The following ABCA13 variants were observed in gnomAD, a reference collection of about 807,000 sequenced individuals.
ABCA13 encodes the protein ATP binding cassette subfamily A member 13.
A neutral mutation model predicts 478.7 loss-of-function variants in ABCA13; 476 were observed. The observed-to-expected ratio is 0.99, with a 90% CI of 0.92 to 1.07. The LOEUF is 1.07. ABCA13 is among the 50% of genes least tolerant of loss of function. The pLI is 0.00. For synonymous variants in ABCA13, 2,252 were observed against 2,158.9 expected, an observed-to-expected ratio of 1.04 and a Z score of -1.20; for missense variants, 6,060 against 5,910.6, an observed-to-expected ratio of 1.03 and a Z score of -0.83.
At chr7:48,625,372 A>G (rs752858805) in intron 59 of ABCA13, among the ~76,000 whole-genome samples, 5 of 152,250 alleles carry the variant, frequency 3.3e-5, no homozygotes, top group Non-Finnish European at 7.3e-5. Context: ...GCACATGAGC[A>G]CAAAAATAAT....
chr7:48,285,466 G>A (rs913473103), intron 19 of ABCA13, among the ~76,000 whole-genome samples: 5 of 152,196 alleles, frequency 3.3e-5, no homozygotes, highest in Admixed American at 3.3e-4. Flanking sequence ...CCTTGAGGGT[G>A]GTGCCTTTGA....
At position 48,245,935 on chromosome 7, in the gene ABCA13, T is replaced by G; in HGVS notation, c.1564T>G (p.Ser522Ala). 1 of 1,613,774 alleles carries G rather than the reference T, an allele frequency of 6.2e-7. No homozygotes were observed. Among genetic ancestry groups the G allele is most frequent in the Middle Eastern group, 1.6e-4 (1 of 6,062 alleles). The change falls in exon 13 of 62, where the codon TCC becomes GCC. Residue 522 changes from serine (S) to alanine (A), a missense_variant. Coordinates refer to ENST00000435803, the MANE Select transcript of ABCA13 (RefSeq NM_152701.5). ...GGAGGTCTTTTTGCCGCCTGGAAAC[T>G]CCAGCATATGGGGTGGTCTCCAGGG... Reference protein sequence around the residue: ...EKEVFLPPGNSSIWGGLQGLL... With the variant: ...EKEVFLPPGNASIWGGLQGLL...
rs574503374 is a variant in ABCA13 at position 48,555,852 on chromosome 7, G to A, written c.14355-24372G>A. On this transcript the variant is annotated intron_variant, in intron 55 of 61. Transcript: ENST00000435803. The stretch of plus-strand genomic sequence containing the variant: ...TCTTTATTTATTTTTTACCAATTTT[G>A]GGTTTGGTTTGCTCTTGCTTTTCTA... Among the ~76,000 whole-genome samples, 5 of 150,870 alleles carry A rather than the reference G, an allele frequency of 3.3e-5. No homozygotes were observed. In the East Asian group the frequency reaches 9.7e-4, roughly 29 times the overall value.
rs1401781111 is a variant in ABCA13, at chr7:48,489,361, T to G, written c.13291+17T>G. On this transcript the variant is annotated intron_variant, in intron 48 of 61. Transcript: ENST00000435803. Reference sequence around the variant, plus strand: ...GACAATACGGTAATGTTATTTTTCATGCATTGTAATTCACTACTTTCAAAA... The same window carrying G: ...GACAATACGGTAATGTTATTTTTCAGGCATTGTAATTCACTACTTTCAAAA... The G allele has an allele frequency of 1.3e-6, 2 of 1,545,576 alleles. No individual in the cohort carries two copies. The highest frequency in any genetic ancestry group is 1.8e-6 in the Non-Finnish European group (2 of 1,127,340).
At chr7:48,281,060 A>G (rs1367720564) in intron 18 of ABCA13, among the ~76,000 whole-genome samples, 1 of 152,172 alleles carries the variant, frequency 6.6e-6, no homozygotes, top group Non-Finnish European at 1.5e-5. Flanking sequence ...TTCAACATTT[A>G]CCTTTGCATT....
At position 48,470,959 on chromosome 7, in the gene ABCA13, T is replaced by G. The variant is rs546941383; in HGVS notation, c.12906-571T>G. Among the ~76,000 whole-genome samples, 11 of 152,298 alleles carry G rather than the reference T, an allele frequency of 7.2e-5. 2 individuals are homozygous for G. The highest frequency in any genetic ancestry group is 6.8e-3 in the Middle Eastern group (2 of 294). On this transcript the variant is annotated intron_variant, in intron 44 of 61. Transcript: ENST00000435803. The stretch of plus-strand genomic sequence containing the variant: ...TTTCCAAATGCTAGAAAAAATATTT[T>G]AAAGTATGGGACTCATAAGGAAATA...
chr7:48,500,871 G>A (rs2130809429), intron 48 of ABCA13, among the ~76,000 whole-genome samples: 1 of 152,234 alleles, frequency 6.6e-6, no homozygotes, highest in Admixed American at 6.5e-5. Context: ...AACCTCTTAG[G>A]TGACCTTACA....
chr7:48,441,685 G>A (rs925302378), intron 42 of ABCA13, among the ~76,000 whole-genome samples: 5 of 152,000 alleles, frequency 3.3e-5, no homozygotes, highest in Non-Finnish European at 7.4e-5. Context: ...GAAGTGGATC[G>A]GACACTATGA....
At chr7:48,299,829 T>C (rs1005770373) in intron 23 of ABCA13, among the ~76,000 whole-genome samples, 3 of 152,196 alleles carry the variant, frequency 2.0e-5, no homozygotes, top group Non-Finnish European at 4.4e-5. Flanking sequence ...CCTGTGGTAA[T>C]GTGGTATTGT....
rs559858126 is a variant in ABCA13, at chr7:48,328,744, T to TA, written c.10000-6671dup. Among the ~76,000 whole-genome samples, 24 of 152,042 alleles carry TA rather than the reference T, an allele frequency of 1.6e-4. No individual in the cohort carries two copies. The East Asian group carries it at 3.7e-3, about 23-fold the overall frequency. On this transcript the variant is annotated intron_variant, in intron 27 of 61. Coordinates refer to ENST00000435803, the MANE Select transcript of ABCA13 (RefSeq NM_152701.5). The stretch of plus-strand genomic sequence containing the variant: ...TATAAACATATAGTTCAAAAAATAA[T>TA]AAAAAAACCCAAGATGTATTTTAAA...
intron 32 of ABCA13, among the ~76,000 whole-genome samples, chr7:48,370,428 C>T (rs1325213782): frequency 1.3e-5 from 2 of 152,064 alleles, no homozygotes; most frequent in Non-Finnish European, 2.9e-5. Flanking sequence ...TCCAGTACTA[C>T]ATTGAATAGT....
At position 48,572,161 on chromosome 7, in the gene ABCA13, T is replaced by C. The variant is rs1252947711; in HGVS notation, c.14355-8063T>C. ...TGCCAATGCATTCCAGCCTGGGTGA[T>C]GGAGTGAAACTTTGTCTCAAATAAA... On this transcript the variant is annotated intron_variant, in intron 55 of 61. Coordinates refer to ENST00000435803, the MANE Select transcript of ABCA13 (RefSeq NM_152701.5). Among the ~76,000 whole-genome samples the C allele has an allele frequency of 2.0e-5, 3 of 152,260 alleles. No homozygotes were observed. The East Asian group carries it at 5.8e-4, about 29-fold the overall frequency.
chr7:48,438,129 T>C lies in ABCA13; in HGVS notation c.12565+10258T>C, dbSNP rs534616806. Among the ~76,000 whole-genome samples the C allele has an allele frequency of 3.9e-5, 6 of 152,168 alleles. No homozygotes were observed. The South Asian group carries it at 1.2e-3, about 32-fold the overall frequency. Reference sequence around the variant, plus strand: ...CTGAATCAGGTAAAACAGACACTAGTCCTTTGGGCACTCTACAACCAGGCA... The same window carrying C: ...CTGAATCAGGTAAAACAGACACTAGCCCTTTGGGCACTCTACAACCAGGCA... On this transcript the variant is annotated intron_variant, in intron 42 of 61. Coordinates refer to ENST00000435803, the MANE Select transcript of ABCA13 (RefSeq NM_152701.5).
In ABCA13 at chr7:48,274,718, A is replaced by T. The variant is rs1796068356; in HGVS notation, c.5052A>T (p.Gln1684His). Residue 1684 changes from glutamine (Q) to histidine (H), a missense_variant, in exon 17 of 62, where the codon CAA becomes CAT. This residue lies in a region of ABCA13 where 4,423 missense variants were observed against 4,309.1 expected (regional missense o/e 1.03). Coordinates refer to ENST00000435803, the MANE Select transcript of ABCA13 (RefSeq NM_152701.5). ...ACCTTTTAGTGGATCAGCTTGAACA[A>T]GTTAGTGTAAACCTAATGGATTTCT... ...DIDLLVDQLE[Q>H]VSVNLMDFFK... 6.2e-7 allele frequency: 1 copy of T among 1,613,896 alleles called. No individual in the cohort carries two copies. Among genetic ancestry groups the T allele is most frequent in the Non-Finnish European group, 8.5e-7 (1 of 1,179,872 alleles).
At chr7:48,634,801 C>T (rs148633755) in intron 59 of ABCA13, among the ~76,000 whole-genome samples, 4 of 152,200 alleles carry the variant, frequency 2.6e-5, no homozygotes, top group South Asian at 4.1e-4. Context: ...GCTTTAGCTA[C>T]GTCTCATAAG....
chr7:48,227,467 T>A, intron 6 of ABCA13, 42 bp downstream of exon 6: 2 of 1,581,278 alleles, frequency 1.3e-6, no homozygotes, highest in Non-Finnish European at 1.7e-6. Flanking sequence ...CAATATGTTG[T>A]TTTTTTACCT....
chr7:48,531,813 G>A (rs533684497), intron 55 of ABCA13, among the ~76,000 whole-genome samples: 7 of 143,754 alleles, frequency 4.9e-5, no homozygotes, highest in Non-Finnish European at 1.1e-4. Context: ...TGCTTTTGGT[G>A]TATAGCAGAG....
intron 55 of ABCA13, among the ~76,000 whole-genome samples, chr7:48,568,286 A>T (rs540065345): frequency 6.6e-6 from 1 of 152,204 alleles, no homozygotes; most frequent in Non-Finnish European, 1.5e-5. Flanking sequence ...ACTTCCTTTT[A>T]TCTCAAATTC....
Position 48,234,053 on chromosome 7 carries a change from T to G in ABCA13, c.799T>G (p.Trp267Gly), listed in dbSNP as rs759248586. The G allele has an allele frequency of 3.1e-6, 5 of 1,614,046 alleles. No individual in the cohort carries two copies. The Admixed American group carries it at 8.3e-5, about 27-fold the overall frequency. ...VYHLSMQNIVWDPQKVQYDLK... is the reference protein window; with the variant it reads ...VYHLSMQNIVGDPQKVQYDLK... ...CCACCTGTCCATGCAGAATATAGTG[T>G]GGGATCCACAGAAAGTCCAGTATGA... The change falls in exon 8 of 62, where the codon TGG becomes GGG. Residue 267 changes from tryptophan to glycine, a missense_variant. Physicochemically the swap from Trp to Gly is radical, Grantham distance 184. Transcript: ENST00000435803.
Sources: allele counts gnomAD v4.1 joint callset (sites outside exome capture counted in the v4.1 genomes callset), GRCh38; gene constraint gnomAD v4.1.1; regional missense constraint gnomAD v4.1.1; transcripts MANE v1.5; gene names NCBI Gene and HGNC (gene_info 2026-07-23, HGNC 2026-07-21).